CEP83: variants seen among roughly 807,000 people sequenced by gnomAD.
CEP83 encodes centrosomal protein of 83 kDa.
A neutral mutation model predicts 101.9 loss-of-function variants in CEP83; 70 were observed. That is an observed-to-expected ratio of 0.69 (90% CI 0.57 to 0.84). CEP83 has a LOEUF of 0.84. Ranked by LOEUF, CEP83 falls within the 40% of genes least tolerant of loss-of-function variation. The probability of loss-of-function intolerance (pLI) is 0.00; values close to 1 mark genes in which losing one functional copy is unlikely to be tolerated. For synonymous variants in CEP83, 264 were observed against 267.9 expected, an observed-to-expected ratio of 0.99 and a Z score of 0.14; for missense variants, 715 against 787.2, an observed-to-expected ratio of 0.91 and a Z score of 1.10.
chr12:94,408,126 C>T (rs781315559), intron 4 of CEP83: 1 of 152,184 alleles, frequency 6.6e-6, no homozygotes, highest in South Asian at 2.1e-4. Context: ...GTGTCTTAGA[C>T]TTCTAATGGA....
intron 11 of CEP83, among the ~76,000 whole-genome samples, chr12:94,357,576 C>T (rs970141559): frequency 4.6e-5 from 7 of 152,176 alleles, no homozygotes; most frequent in African/African-American, 1.7e-4. Flanking sequence ...ATTCCCTCAC[C>T]CCTGTACAAT....
At chr12:94,400,327 G>A (rs1462772098) in intron 6 of CEP83, among the ~76,000 whole-genome samples, 1 of 152,170 alleles carries the variant, frequency 6.6e-6, no homozygotes, top group Non-Finnish European at 1.5e-5. Context: ...GATGAAGTGG[G>A]AATGTATGCT....
At chr12:94,299,852 C>T in the CEP83 span, among the ~76,000 whole-genome samples, 2 of 152,136 alleles carry the variant, frequency 1.3e-5, no homozygotes, top group South Asian at 2.1e-4. Flanking sequence ...GAGCCACTGC[C>T]CCTGGCCTGT....
rs772092072 is a variant in CEP83, at chr12:94,369,933, C to A, written c.1037G>T (p.Ser346Ile). Residue 346 changes from serine to isoleucine, a missense_variant, in exon 9 of 17, where the codon AGT becomes ATT. Ser to Ile is a moderately radical substitution (Grantham distance 142). Transcript: ENST00000397809. ...ELERERNKIQ[S>I]ELDGLQSDNE... is the part of the protein sequence containing the mutation. ...AAATCACATATTACCATCCAGTTCA[C>A]TTTGAATCTTATTCCTTTCTCTTTC... The A allele has an allele frequency of 6.4e-7, 1 of 1,569,130 alleles. No individual in the cohort carries two copies. Among genetic ancestry groups the A allele is most frequent in the South Asian group, 1.1e-5 (1 of 89,350 alleles).
At chr12:94,423,920 C>T (rs1357482062) in intron 2 of CEP83, 18 of 1,611,058 alleles carry the variant, frequency 1.1e-5, no homozygotes, top group Non-Finnish European at 1.4e-5. Context: ...GCCTGTGCTG[C>T]TGAGGCAGAG....
chr12:94,320,311 C>T (rs1265410643), intron 14 of CEP83, among the ~76,000 whole-genome samples: 3 of 152,080 alleles, frequency 2.0e-5, no homozygotes, highest in South Asian at 4.1e-4. Context: ...CCACTCTGTG[C>T]CTTTTAAATG....
intron 5 of CEP83, among the ~76,000 whole-genome samples, chr12:94,402,055 T>C (rs986519438): frequency 2.0e-5 from 3 of 152,224 alleles, no homozygotes; most frequent in African/African-American, 7.2e-5. Flanking sequence ...ATATATAAAA[T>C]GTCTACCAAG....
At chr12:94,311,510 A>T (rs75297227) in intron 15 of CEP83, among the ~76,000 whole-genome samples, 6,914 of 152,198 alleles carry the variant, frequency 0.045, 216 homozygotes, top group Non-Finnish European at 0.072. Flanking sequence ...TACCTGTGGG[A>T]TCTGATGCTA....
Position 94,331,738 on chromosome 12 carries a change from T to C in CEP83, c.1669A>G (p.Lys557Glu). Residue 557 changes from lysine (K) to glutamate (E), a missense_variant, in exon 14 of 17, where the codon AAG becomes GAG. Coordinates refer to ENST00000397809, the MANE Select transcript of CEP83 (RefSeq NM_016122.3). ...TDREEKYNQA[K>E]EKLQRAAIAQ... ...ATTGCAGCTCGCTGCAGTTTCTCCTTAGCTTGATTGTACTTTTCTTCTCTG... is the reference window on the plus strand; with the variant it reads ...ATTGCAGCTCGCTGCAGTTTCTCCTCAGCTTGATTGTACTTTTCTTCTCTG... The C allele has an allele frequency of 6.2e-7, 1 of 1,614,104 alleles. No individual in the cohort carries two copies. Among genetic ancestry groups the C allele is most frequent in the Non-Finnish European group, 8.5e-7 (1 of 1,179,978 alleles).
the CEP83 span, among the ~76,000 whole-genome samples, chr12:94,271,950 G>C: frequency 6.6e-6 from 1 of 152,112 alleles, no homozygotes; most frequent in African/African-American, 2.4e-5. Context: ...TGTTACATAT[G>C]ACCGCTGTGA....
At chr12:94,365,836 C>T (rs1014601495) in intron 11 of CEP83, among the ~76,000 whole-genome samples, 2 of 145,940 alleles carry the variant, frequency 1.4e-5, no homozygotes, top group African/African-American at 5.0e-5. Context: ...TTTCACTAAA[C>T]ACTGATAGAT....
At chr12:94,343,687 G>C (rs1455317277) in intron 11 of CEP83, among the ~76,000 whole-genome samples, 2 of 150,214 alleles carry the variant, frequency 1.3e-5, no homozygotes, top group African/African-American at 4.9e-5. Flanking sequence ...TAGAGACGGG[G>C]TTTCACCTTG....
chr12:94,297,111 C>CT, the CEP83 span: 20 of 1,443,340 alleles, frequency 1.4e-5, no homozygotes, highest in East Asian at 1.6e-4. Context: ...CAAATGGGGC[C>CT]TTTTAAGAGA....
At chr12:94,429,732 A>G (rs1298076654) in intron 2 of CEP83, among the ~76,000 whole-genome samples, 2 of 152,170 alleles carry the variant, frequency 1.3e-5, no homozygotes, top group African/African-American at 4.8e-5. Flanking sequence ...TAAGCAAAGC[A>G]TGAGCTTCCA....
chr12:94,427,671 C>T (rs769772771), intron 2 of CEP83, among the ~76,000 whole-genome samples: 1 of 152,208 alleles, frequency 6.6e-6, no homozygotes, highest in Non-Finnish European at 1.5e-5. Flanking sequence ...AAAGCACATG[C>T]TATGCCTTTG....
chr12:94,291,853 C>T, the CEP83 span, among the ~76,000 whole-genome samples: 1 of 152,136 alleles, frequency 6.6e-6, no homozygotes, highest in Non-Finnish European at 1.5e-5. Context: ...CTATTGATCC[C>T]ATCACCCAGT....
chr12:94,361,386 C>T (rs1287359080), intron 11 of CEP83: 1 of 152,104 alleles, frequency 6.6e-6, no homozygotes, highest in Non-Finnish European at 1.5e-5. Context: ...GAGTAGAGGA[C>T]CACCAGAATG....
At chr12:94,424,825 A>G (rs1008707002) in intron 2 of CEP83, 2 of 1,600,670 alleles carry the variant, frequency 1.2e-6, no homozygotes, top group African/African-American at 2.7e-5. Flanking sequence ...GGTCATTTCC[A>G]TTGCTTCCAC....
chr12:94,331,788 T>C lies in CEP83; in HGVS notation c.1619A>G (p.His540Arg), dbSNP rs759939633. The part of the protein sequence containing the change: ...EKQIQWLEEK[H>R]KLHERITDRE... ...GTCTGTGATACGCTCATGAAGCTTA[T>C]GCTTTTCTTCCAACCACTGTATCTG... The change falls in exon 14 of 17, where the codon CAT (histidine) becomes CGT (arginine). Residue 540 changes from histidine to arginine, a missense_variant. Transcript: ENST00000397809. 2.5e-6 allele frequency: 4 copies of C among 1,613,380 alleles called. No individual in the cohort carries two copies. The highest frequency in any genetic ancestry group is 2.2e-5 in the South Asian group (2 of 91,066).
Sources: allele counts gnomAD v4.1 joint callset (sites outside exome capture counted in the v4.1 genomes callset), GRCh38; gene constraint gnomAD v4.1.1; transcripts MANE v1.5; gene names NCBI Gene and HGNC (gene_info 2026-07-23, HGNC 2026-07-21).